Variants in PLCE1 observed in about 807,000 individuals in gnomAD.
The protein encoded by PLCE1 is 1-phosphatidylinositol 4,5-bisphosphate phosphodiesterase epsilon-1.
PLCE1 carries 119 observed loss-of-function variants against 242.8 expected under a neutral mutation model. That is an observed-to-expected ratio of 0.49 (90% CI 0.42 to 0.57). The LOEUF (loss-of-function observed/expected upper bound fraction) is 0.57. PLCE1 is among the 20% of genes least tolerant of loss of function. PLCE1 has a pLI of 0.00. For synonymous variants in PLCE1, 945 were observed against 1,017.4 expected (o/e 0.93, Z 1.35); for missense variants, 2,441 against 2,788.8 (o/e 0.88, Z 2.81).
rs2053022549 is a variant in PLCE1 at position 94,301,143 on chromosome 10, A to C, written c.5458+2474A>C. Among the ~76,000 whole-genome samples, 4 of 151,990 alleles carry C rather than the reference A, an allele frequency of 2.6e-5. No homozygotes were observed. The South Asian group carries it at 8.3e-4, about 32-fold the overall frequency. ...ATGGATCACCTGAGGTCAGGAGTTC[A>C]AGACCAGCCTGGCCAACATGGTAAA... On this transcript the variant is annotated intron_variant, in intron 24 of 32. Coordinates refer to ENST00000371380, the MANE Select transcript of PLCE1 (RefSeq NM_016341.4).
In PLCE1 at chr10:94,146,640, T is replaced by C. The variant is rs532588416; in HGVS notation, c.1492+14181T>C. Among the ~76,000 whole-genome samples the C allele has an allele frequency of 1.4e-4, 22 of 152,272 alleles. No individual in the cohort carries two copies. The South Asian group carries it at 4.4e-3, about 30-fold the overall frequency. On this transcript the variant is annotated intron_variant, in intron 3 of 32. Coordinates refer to ENST00000371380, the MANE Select transcript of PLCE1 (RefSeq NM_016341.4). ...CAGAATAAACAAACCCCTGCCCAAA[T>C]TGGAACTCACTGGACGCCTTTCAGA...
chr10:94,313,115 A>C, intron 27 of PLCE1, 139 bp from the exon 28 acceptor site: 5 of 874,840 alleles, frequency 5.7e-6, no homozygotes, highest in Non-Finnish European at 7.4e-6. Flanking sequence ...CATTTGTAGC[A>C]CTAGGCTACA....
chr10:94,241,031 A>G (rs1277447084), intron 7 of PLCE1, among the ~76,000 whole-genome samples: 1 of 152,244 alleles, frequency 6.6e-6, no homozygotes, highest in Non-Finnish European at 1.5e-5. Flanking sequence ...GACAAAAGCT[A>G]CTAGTTTCCT....
chr10:94,023,022 A>G (rs1404458602), intron 1 of PLCE1, among the ~76,000 whole-genome samples: 1 of 152,144 alleles, frequency 6.6e-6, no homozygotes, highest in Non-Finnish European at 1.5e-5. Context: ...AGGGGGCCCT[A>G]TATTATCAAT....
chr10:94,290,680 A>G (rs1265339337), intron 22 of PLCE1, among the ~76,000 whole-genome samples: 1 of 151,530 alleles, frequency 6.6e-6, no homozygotes, highest in Non-Finnish European at 1.5e-5. Flanking sequence ...ATATATATAT[A>G]TATGTAACTT....
intron 2 of PLCE1, among the ~76,000 whole-genome samples, chr10:94,048,481 A>G (rs188890297): frequency 6.2e-4 from 94 of 152,038 alleles, no homozygotes; most frequent in Non-Finnish European, 1.0e-3. Flanking sequence ...TTGCCAATCA[A>G]ATGGATTAAA....
intron 1 of PLCE1, among the ~76,000 whole-genome samples, chr10:94,026,373 C>T (rs541130973): frequency 1.3e-5 from 2 of 152,168 alleles, no homozygotes; most frequent in Admixed American, 1.3e-4. Flanking sequence ...TATTTTTAGC[C>T]CACACAACCT....
intron 4 of PLCE1, among the ~76,000 whole-genome samples, chr10:94,196,361 C>T (rs2048821155): frequency 6.6e-6 from 1 of 152,148 alleles, no homozygotes; most frequent in Non-Finnish European, 1.5e-5. Context: ...GTCTGATCCA[C>T]CCTCAGCCTG....
rs150856292 is a variant in PLCE1 at position 94,229,157 on chromosome 10, G to C, written c.1955+1706G>C. Among the ~76,000 whole-genome samples, 10 of 149,688 alleles carry C rather than the reference G, an allele frequency of 6.7e-5. No homozygotes were observed. The East Asian group carries it at 2.0e-3, about 30-fold the overall frequency. On this transcript the variant is annotated intron_variant, in intron 5 of 32. Coordinates refer to ENST00000371380, the MANE Select transcript of PLCE1 (RefSeq NM_016341.4). The stretch of plus-strand genomic sequence containing the variant: ...GATCATGCCATTGCGCTCCAGCCTG[G>C]GCAATAAGAGGGAAACTCTGTATCA...
At chr10:94,299,211 T>C (rs1056474224) in intron 24 of PLCE1, among the ~76,000 whole-genome samples, 1 of 152,212 alleles carries the variant, frequency 6.6e-6, no homozygotes, top group African/African-American at 2.4e-5. Flanking sequence ...GTTTCTCCAA[T>C]GTCAATGAGA....
At position 94,031,926 on chromosome 10, in the gene PLCE1, A is replaced by G; in HGVS notation, c.880A>G (p.Lys294Glu). The G allele has an allele frequency of 6.2e-7, 1 of 1,613,926 alleles. No individual in the cohort carries two copies. The highest frequency in any genetic ancestry group is 8.5e-7 in the Non-Finnish European group (1 of 1,179,848). ...AGACTTTACTGACAGTCAAGCTGCC[A>G]AGACCTTTTTGAGCCATTTTGAGGA... ...RKDFTDSQAA[K>E]TFLSHFEDFP... The change falls in exon 2 of 33, where the codon AAG (lysine) becomes GAG (glutamate). Residue 294 changes from lysine to glutamate, a missense_variant. Lys to Glu is a moderately conservative substitution (Grantham distance 56). Coordinates refer to ENST00000371380, the MANE Select transcript of PLCE1 (RefSeq NM_016341.4).
chr10:94,271,862 A>G (rs1158311632), intron 18 of PLCE1, among the ~76,000 whole-genome samples: 116 of 152,182 alleles, frequency 7.6e-4, no homozygotes, highest in Non-Finnish European at 2.9e-5. Flanking sequence ...GCGACATCAC[A>G]TATTGATAGG....
Position 94,252,360 on chromosome 10 carries a change from G to A in PLCE1, c.3141G>A (p.Glu1047=), listed in dbSNP as rs757195888. 2.5e-6 allele frequency: 4 copies of A among 1,614,028 alleles called. No homozygotes were observed. The African/African-American group carries it at 5.3e-5, about 22-fold the overall frequency. Residue 1047 remains glutamate (E), a synonymous_variant, in exon 9 of 33, where the codon GAG becomes GAA. Coordinates refer to ENST00000371380, the MANE Select transcript of PLCE1 (RefSeq NM_016341.4). The stretch of plus-strand genomic sequence containing the variant: ...GCCCAACTTTGGCTCACGCTGTGGA[G>A]TTGTTTGGTGGCAGACGGTGGAGTG... ...YEGPTLAHAV[E]LFGGRRWSAR...
intron 22 of PLCE1, 104 bp from the exon 23 acceptor site, chr10:94,293,404 C>T (rs1278833318): frequency 2.6e-5 from 34 of 1,284,892 alleles, no homozygotes; most frequent in Non-Finnish European, 3.8e-5. Context: ...TACTAGGTTC[C>T]AAGGGAGTAG....
chr10:94,248,434 C>G (rs1327450292), intron 8 of PLCE1, among the ~76,000 whole-genome samples: 1 of 152,088 alleles, frequency 6.6e-6, no homozygotes, highest in East Asian at 1.9e-4. Flanking sequence ...AATCCCGCCT[C>G]TACTAAAAAT....
At chr10:94,293,483 A>G (rs868807388) in intron 22 of PLCE1, 25 bp from the exon 23 acceptor site, 2 of 1,611,454 alleles carry the variant, frequency 1.2e-6, no homozygotes, top group African/African-American at 2.7e-5. Flanking sequence ...TTTTTGGCTT[A>G]TTTATTTTCA....
intron 4 of PLCE1, among the ~76,000 whole-genome samples, chr10:94,221,310 G>A (rs1287307464): frequency 1.3e-5 from 2 of 152,250 alleles, no homozygotes; most frequent in Non-Finnish European, 2.9e-5. Flanking sequence ...GTGTGTGTGT[G>A]TGTATGTGCC....
intron 1 of PLCE1, among the ~76,000 whole-genome samples, chr10:94,012,549 C>T (rs1421288716): frequency 6.6e-6 from 1 of 152,084 alleles, no homozygotes; most frequent in Admixed American, 6.5e-5. Context: ...GCCTGGGAAG[C>T]TGTGCATCAG....
In PLCE1 at chr10:94,332,493, A is replaced by ATATGTGTGTGCCTGTGTGTGTGTG. The variant is rs2054170980; in HGVS notation, c.*4552_*4575dup. The ATATGTGTGTGCCTGTGTGTGTGTG allele has an allele frequency of 1.5e-5, 2 of 135,926 alleles. No homozygotes were observed. Among genetic ancestry groups the ATATGTGTGTGCCTGTGTGTGTGTG allele is most frequent in the Admixed American group, 1.6e-4 (2 of 12,594 alleles). 8.4% of individuals were successfully genotyped at this position (135,926 alleles called of 1,614,324 possible). ...GGCTGTAGCTTAATATAGCCTCAGG[A>ATATGTGTGTGCCTGTGTGTGTGTG]TATGTGTGTGCCTGTGTGTGTGTGT... On this transcript the variant is annotated 3_prime_UTR_variant, in exon 33 of 33. Transcript: ENST00000371380.
Sources: gnomAD v4.1 joint callset for allele counts (sites outside exome capture counted in the v4.1 genomes callset) on GRCh38, gnomAD v4.1.1 for gene constraint, MANE v1.5 for transcripts, NCBI Gene and HGNC (gene_info 2026-07-23, HGNC 2026-07-21) for gene names.